KCNN2: variants seen among roughly 807,000 people sequenced by gnomAD.
KCNN2 encodes the protein small conductance calcium-activated potassium channel protein 2.
A neutral mutation model predicts 55.5 loss-of-function variants in KCNN2; 24 were observed. The observed-to-expected ratio is 0.43, with a 90% CI of 0.31 to 0.61. The LOEUF is 0.61. KCNN2 is among the 20% of genes least tolerant of loss of function. The pLI is 0.08. For missense variants in KCNN2, 754 were observed against 853.6 expected (o/e 0.88, Z 1.45); for synonymous variants, 431 against 336.1 (o/e 1.28, Z -3.09).
chr5:114,106,550 T>C (rs2112576519), intron 1 of KCNN2, among the ~76,000 whole-genome samples: 1 of 152,002 alleles, frequency 6.6e-6, no homozygotes, highest in Non-Finnish European at 1.5e-5. Context: ...TGTTTGTTTT[T>C]TTTAAAGCTA....
At chr5:114,317,359 T>A (rs2150028132) in intron 2 of KCNN2, among the ~76,000 whole-genome samples, 1 of 152,330 alleles carries the variant, frequency 6.6e-6, no homozygotes, top group African/African-American at 2.4e-5. Context: ...AATTCACTTT[T>A]AGTTTAGGCA....
In KCNN2 at chr5:114,363,185, A is replaced by G; in HGVS notation, c.1046A>G (p.Tyr349Cys). ...GAAAAGCGCAAGCGGCTCAGCGACT[A>G]CGCGCTCATCTTCGGCATGTTCGGC... ...LFEKRKRLSD[Y>C]ALIFGMFGIV... Residue 349 changes from tyrosine to cysteine, a missense_variant, in exon 1 of 8, where the codon TAC (tyrosine) becomes TGC (cysteine). Transcript: ENST00000673685. The G allele has an allele frequency of 6.2e-7, 1 of 1,613,424 alleles. No individual in the cohort carries two copies. The highest frequency in any genetic ancestry group is 8.5e-7 in the Non-Finnish European group (1 of 1,180,022).
intron 4 of KCNN2, among the ~76,000 whole-genome samples, chr5:114,471,333 TTA>T: frequency 3.2e-4 from 1 of 3,094 alleles, no homozygotes; most frequent in Admixed American, 0.023. Context: ...TATAATACTT[TTA>T]ATACAATATA....
intron 2 of KCNN2, among the ~76,000 whole-genome samples, chr5:114,394,246 G>C (rs1050849191): frequency 6.6e-6 from 1 of 152,010 alleles, no homozygotes; most frequent in Non-Finnish European, 1.5e-5. Context: ...ATTGAGGTTG[G>C]GCATTTGTTT....
At chr5:114,406,308 T>C (rs533197992) in intron 3 of KCNN2, among the ~76,000 whole-genome samples, 2 of 151,656 alleles carry the variant, frequency 1.3e-5, no homozygotes, top group African/African-American at 4.8e-5. Flanking sequence ...TGGAGCTATC[T>C]ATTAACTTTC....
chr5:114,136,081 C>T (rs1752168134), intron 1 of KCNN2, among the ~76,000 whole-genome samples: 1 of 151,932 alleles, frequency 6.6e-6, no homozygotes, highest in African/African-American at 2.4e-5. Flanking sequence ...TGAGTTCCCA[C>T]AAAAATAGAT....
intron 1 of KCNN2, among the ~76,000 whole-genome samples, chr5:114,065,810 T>A (rs1750433077): frequency 6.9e-6 from 1 of 144,892 alleles, no homozygotes; most frequent in Non-Finnish European, 1.5e-5. Flanking sequence ...TACCAGTGAG[T>A]TGTTGCTAAG....
At chr5:114,458,569 G>T (rs1761039223) in intron 3 of KCNN2, among the ~76,000 whole-genome samples, 1 of 152,108 alleles carries the variant, frequency 6.6e-6, no homozygotes, top group Non-Finnish European at 1.5e-5. Flanking sequence ...CTATGTTTTT[G>T]TAAGCATCTG....
chr5:114,257,245 T>C (rs1332008807), intron 2 of KCNN2, among the ~76,000 whole-genome samples: 1 of 152,156 alleles, frequency 6.6e-6, no homozygotes, highest in Non-Finnish European at 1.5e-5. Context: ...AGGACCATGC[T>C]GTTTTGGTTA....
At chr5:114,342,600 T>C (rs1273179156) in intron 2 of KCNN2, among the ~76,000 whole-genome samples, 1 of 152,226 alleles carries the variant, frequency 6.6e-6, no homozygotes, top group Admixed American at 6.5e-5. Context: ...AAATCTAGAA[T>C]TGTTCATAGA....
chr5:114,340,187 A>C (rs1182198215), intron 2 of KCNN2, among the ~76,000 whole-genome samples: 1 of 152,166 alleles, frequency 6.6e-6, no homozygotes, highest in Non-Finnish European at 1.5e-5. Context: ...TGTTGATTGA[A>C]TCTCCCAACA....
At chr5:114,179,589 A>AAC (rs1392913485) in intron 1 of KCNN2, among the ~76,000 whole-genome samples, 2 of 152,268 alleles carry the variant, frequency 1.3e-5, no homozygotes, top group East Asian at 3.9e-4. Flanking sequence ...TATCTTGGGA[A>AAC]ACTTCCCTGT....
intron 1 of KCNN2, among the ~76,000 whole-genome samples, chr5:114,204,914 C>T (rs1753739755): frequency 6.6e-6 from 1 of 152,194 alleles, no homozygotes; most frequent in African/African-American, 2.4e-5. Context: ...AAGGTCACAT[C>T]AAGACATTAT....
intron 1 of KCNN2, among the ~76,000 whole-genome samples, chr5:114,103,710 T>C (rs1043735330): frequency 6.6e-6 from 1 of 152,014 alleles, no homozygotes; most frequent in Non-Finnish European, 1.5e-5. Context: ...TGTTTCTGTT[T>C]ATGTGATGGA....
intron 2 of KCNN2, among the ~76,000 whole-genome samples, chr5:114,242,335 TAATG>T (rs1444302443): frequency 6.6e-6 from 1 of 152,006 alleles, no homozygotes; most frequent in East Asian, 1.9e-4. Context: ...AAAGGTAAAA[TAATG>T]AACCTCATAA....
At chr5:114,298,023 CT>C (rs1756064839) in intron 2 of KCNN2, among the ~76,000 whole-genome samples, 1 of 152,168 alleles carries the variant, frequency 6.6e-6, no homozygotes, top group African/African-American at 2.4e-5. Flanking sequence ...ACAGTACTTA[CT>C]TTGTATAATT....
At chr5:114,344,088 G>A (rs989442342) in intron 2 of KCNN2, among the ~76,000 whole-genome samples, 39 of 152,310 alleles carry the variant, frequency 2.6e-4, no homozygotes, top group African/African-American at 8.9e-4. Context: ...TTAGCCTGCA[G>A]AAGTGCTGAA....
At chr5:114,344,905 A>G (rs1757080112) in intron 2 of KCNN2, among the ~76,000 whole-genome samples, 1 of 152,252 alleles carries the variant, frequency 6.6e-6, no homozygotes, top group African/African-American at 2.4e-5. Flanking sequence ...CTGCTTATTT[A>G]GGCAGAACTT....
At chr5:114,218,465 T>G (rs1052491945) in intron 1 of KCNN2, among the ~76,000 whole-genome samples, 1 of 152,146 alleles carries the variant, frequency 6.6e-6, no homozygotes, top group Non-Finnish European at 1.5e-5. Context: ...AAAATGCATA[T>G]TACTAAACTG....
Sources: gnomAD v4.1 joint callset for allele counts (sites outside exome capture counted in the v4.1 genomes callset) on GRCh38, gnomAD v4.1.1 for gene constraint, MANE v1.5 for transcripts, NCBI Gene and HGNC (gene_info 2026-07-23, HGNC 2026-07-21) for gene names.